The following UNC13C variants were observed in gnomAD, a reference collection of about 807,000 sequenced individuals.
The protein encoded by UNC13C is unc-13 homolog C.
A neutral mutation model predicts 245.4 loss-of-function variants in UNC13C; 174 were observed. The observed-to-expected ratio is 0.71, with a 90% CI of 0.63 to 0.80. UNC13C has a LOEUF of 0.80. Ranked by LOEUF, UNC13C falls within the 30% of genes least tolerant of loss-of-function variation. UNC13C has a pLI of 0.00. For missense variants in UNC13C, 2,829 were observed against 2,602.9 expected (o/e 1.09, Z -1.89); for synonymous variants, 992 against 895.1 (o/e 1.11, Z -1.93).
rs1894715711 is a variant in UNC13C at position 54,511,072 on chromosome 15, G to A, written c.5380-681G>A. Among the ~76,000 whole-genome samples, 3 of 152,092 alleles carry A rather than the reference G, an allele frequency of 2.0e-5. 1 individual carries two copies. Among genetic ancestry groups the A allele is most frequent in the South Asian group, 4.1e-4 (2 of 4,830 alleles). On this transcript the variant is annotated intron_variant, in intron 23 of 32. Transcript: ENST00000260323. ...AGTTTGTGAGTAAGAAAAGCAGAAA[G>A]AGACACAGCAGCATGTACAATGTAT...
intron 2 of UNC13C, among the ~76,000 whole-genome samples, chr15:54,115,830 C>T (rs2030201749): frequency 6.6e-6 from 1 of 152,008 alleles, no homozygotes; most frequent in South Asian, 2.1e-4. Flanking sequence ...CCTCAAGGCT[C>T]TCAATCTATT....
the UNC13C span, among the ~76,000 whole-genome samples, chr15:53,868,248 G>A: frequency 6.6e-6 from 1 of 152,180 alleles, no homozygotes; most frequent in Non-Finnish European, 1.5e-5. Flanking sequence ...TGGGAGTGGA[G>A]GACATTGCAA....
intron 19 of UNC13C, among the ~76,000 whole-genome samples, chr15:54,434,732 A>G (rs2040944663): frequency 6.6e-6 from 1 of 152,144 alleles, no homozygotes. Context: ...AAATTGACAA[A>G]TGGGATCTAA....
rs1036515728 is a variant in UNC13C, at chr15:54,436,008, G to T, written c.4933+20941G>T. ...AAGCTCATCATCACTGGTCATTAAA[G>T]AAATGCAAATAAAAACCACAATGAG... On this transcript the variant is annotated intron_variant, in intron 19 of 32. Coordinates refer to ENST00000260323, the MANE Select transcript of UNC13C (RefSeq NM_001080534.3). Among the ~76,000 whole-genome samples the T allele has an allele frequency of 2.0e-5, 3 of 151,968 alleles. No homozygotes were observed. The South Asian group carries it at 6.2e-4, about 32-fold the overall frequency.
At chr15:54,183,906 A>C (rs1195907295) in intron 4 of UNC13C, among the ~76,000 whole-genome samples, 1 of 152,136 alleles carries the variant, frequency 6.6e-6, no homozygotes, top group Non-Finnish European at 1.5e-5. Context: ...AAGACCAGAC[A>C]CATTAGCTAT....
At chr15:54,383,300 A>T (rs772824641) in intron 17 of UNC13C, among the ~76,000 whole-genome samples, 1 of 152,184 alleles carries the variant, frequency 6.6e-6, no homozygotes, top group Non-Finnish European at 1.5e-5. Flanking sequence ...AAATACTAAC[A>T]AACTGAATGC....
At chr15:54,025,789 A>C (rs1595732069) in intron 2 of UNC13C, among the ~76,000 whole-genome samples, 1 of 152,232 alleles carries the variant, frequency 6.6e-6, no homozygotes, top group Non-Finnish European at 1.5e-5. Flanking sequence ...CCCATTTTAC[A>C]TGATGATATT....
chr15:54,319,809 A>G (rs2038103404), intron 13 of UNC13C, among the ~76,000 whole-genome samples: 1 of 148,190 alleles, frequency 6.7e-6, no homozygotes, highest in African/African-American at 2.5e-5. Flanking sequence ...CTCCATGTAT[A>G]TTTTATCTTT....
At chr15:54,498,267 C>G (rs556951704) in intron 20 of UNC13C, among the ~76,000 whole-genome samples, 1 of 151,846 alleles carries the variant, frequency 6.6e-6, no homozygotes, top group African/African-American at 2.4e-5. Flanking sequence ...GTACATTTAC[C>G]AAAATAGACT....
intron 30 of UNC13C, among the ~76,000 whole-genome samples, chr15:54,579,775 AG>A (rs1898121879): frequency 6.6e-6 from 1 of 152,170 alleles, no homozygotes. Context: ...GAAAAAAACA[AG>A]AAAAACTTTA....
chr15:54,165,097 C>A (rs2033118973), intron 4 of UNC13C, among the ~76,000 whole-genome samples: 1 of 151,978 alleles, frequency 6.6e-6, no homozygotes, highest in African/African-American at 2.4e-5. Context: ...AAAAAGTCAC[C>A]TTCCCTTTGC....
chr15:54,402,191 C>T (rs1567241582), intron 18 of UNC13C, among the ~76,000 whole-genome samples: 1 of 151,906 alleles, frequency 6.6e-6, no homozygotes, highest in Non-Finnish European at 1.5e-5. Flanking sequence ...AAAAAACCCA[C>T]AGATCTGTTG....
chr15:54,064,532 A>C (rs921405260), intron 2 of UNC13C, among the ~76,000 whole-genome samples: 3 of 152,206 alleles, frequency 2.0e-5, no homozygotes, highest in African/African-American at 7.2e-5. Flanking sequence ...AAACAAATGC[A>C]GTGTAGCTGA....
At chr15:54,577,165 C>T (rs1897988485) in intron 30 of UNC13C, among the ~76,000 whole-genome samples, 2 of 151,444 alleles carry the variant, frequency 1.3e-5, no homozygotes, top group African/African-American at 4.9e-5. Context: ...TGGAGAAATA[C>T]AAAGGGGCAT....
chr15:54,300,512 T>G, intron 13 of UNC13C, 139 bp downstream of exon 13: 1 of 799,458 alleles, frequency 1.3e-6, no homozygotes, highest in South Asian at 2.1e-5. Context: ...TGATGCTGAC[T>G]ACTCTCTCTT....
Position 54,555,481 on chromosome 15 carries a change from C to T in UNC13C, c.5927C>T (p.Ala1976Val), listed in dbSNP as rs201231517. The T allele has an allele frequency of 1.2e-6, 2 of 1,612,112 alleles. No homozygotes were observed. Among genetic ancestry groups the T allele is most frequent in the Admixed American group, 1.7e-5 (1 of 59,758 alleles). ...AGGGGTCTGACGCCAAGACAATGCG[C>T]TATAATGGAGGTAGTCCTGGCTACC... is the stretch of plus-strand genomic sequence containing the variant. Reference protein sequence around the residue: ...DARGLTPRQCAIMEVVLATIK... With the variant: ...DARGLTPRQCVIMEVVLATIK... Residue 1976 changes from alanine (A) to valine (V), a missense_variant, in exon 29 of 33, where the codon GCT becomes GTT. Coordinates refer to ENST00000260323, the MANE Select transcript of UNC13C (RefSeq NM_001080534.3).
At chr15:54,415,883 G>A (rs1003162542) in intron 19 of UNC13C, among the ~76,000 whole-genome samples, 18 of 152,142 alleles carry the variant, frequency 1.2e-4, no homozygotes, top group African/African-American at 3.9e-4. Flanking sequence ...CAGCAGACAT[G>A]GGGCTAGGGG....
chr15:53,968,735 C>A, the UNC13C span, among the ~76,000 whole-genome samples: 1 of 152,272 alleles, frequency 6.6e-6, no homozygotes, highest in African/African-American at 2.4e-5. Flanking sequence ...TCTCTTTGAG[C>A]TTTATAGCAA....
chr15:54,376,690 A>G (rs2039614538), intron 17 of UNC13C, among the ~76,000 whole-genome samples: 1 of 152,152 alleles, frequency 6.6e-6, no homozygotes, highest in Non-Finnish European at 1.5e-5. Context: ...ATAAAGAACA[A>G]AGAAAAGCAG....
Sources: allele counts gnomAD v4.1 joint callset (sites outside exome capture counted in the v4.1 genomes callset), GRCh38; gene constraint gnomAD v4.1.1; transcripts MANE v1.5; gene names NCBI Gene and HGNC (gene_info 2026-07-23, HGNC 2026-07-21).